The following ZNF718 variants were observed in gnomAD, a reference collection of about 807,000 sequenced individuals.
ZNF718 encodes the protein zinc finger protein 718.
ZNF718 carries 3 observed loss-of-function variants against 2.6 expected under a neutral mutation model. That is an observed-to-expected ratio of 1.16 (90% CI 0.53 to 3.01). ZNF718 has a LOEUF of 3.01. Ranked by LOEUF, ZNF718 falls within the 30% of genes most tolerant of loss-of-function variation. The pLI is 0.03. For synonymous variants in ZNF718, 135 were observed against 77.9 expected (o/e 1.73, Z -3.86); for missense variants, 468 against 230.0 (o/e 2.03, Z -6.69).
intron 3 of ZNF718, among the ~76,000 whole-genome samples, chr4:145,894 T>C (rs1716031187): frequency 1.3e-5 from 2 of 152,156 alleles, no homozygotes; most frequent in South Asian, 4.1e-4. Context: ...AGTTACCTTC[T>C]ATGTATAGAA....
chr4:191,133 CA>C (rs1717685094), intron 3 of ZNF718, among the ~76,000 whole-genome samples: 2 of 150,364 alleles, frequency 1.3e-5, no homozygotes, highest in African/African-American at 4.9e-5. Context: ...AATCAAAAAC[CA>C]GACATAAGTC....
chr4:175,305 A>G (rs979957200), intron 3 of ZNF718, among the ~76,000 whole-genome samples: 7 of 152,314 alleles, frequency 4.6e-5, no homozygotes, highest in East Asian at 3.9e-4. Context: ...CTTTACTGTC[A>G]TACTTTCTAC....
intron 1 of ZNF718, among the ~76,000 whole-genome samples, chr4:127,255 T>A (rs1715262470): frequency 9.5e-6 from 1 of 104,918 alleles, no homozygotes; most frequent in African/African-American, 3.3e-5. Flanking sequence ...CCCACAATTG[T>A]ATGACAAAGT....
At chr4:202,278 T>C (rs1705545370) in exon 5 of ZNF718, 1 of 152,228 alleles carries the variant, frequency 6.6e-6, no homozygotes, top group Non-Finnish European at 1.5e-5. Context: ...GGAATGTGAG[T>C]CCATTAAACA....
chr4:200,133 T>C (rs782519358), intron 3 of ZNF718, among the ~76,000 whole-genome samples: 3 of 152,180 alleles, frequency 2.0e-5, no homozygotes, highest in Non-Finnish European at 4.4e-5. Context: ...GTGTAGAGGA[T>C]TACCAAGATC....
chr4:148,147 A>G (rs1716149939), intron 3 of ZNF718, among the ~76,000 whole-genome samples: 1 of 152,160 alleles, frequency 6.6e-6, no homozygotes, highest in African/African-American at 2.4e-5. Flanking sequence ...CCCAGACTCT[A>G]GCGGACAGGG....
chr4:193,235 C>T (rs566648862), intron 3 of ZNF718, among the ~76,000 whole-genome samples: 1 of 152,192 alleles, frequency 6.6e-6, no homozygotes, highest in South Asian at 2.1e-4. Context: ...TGGCAATTCC[C>T]TTCTATTTCC....
chr4:181,388 T>C (rs1717459481), intron 3 of ZNF718, among the ~76,000 whole-genome samples: 1 of 151,942 alleles, frequency 6.6e-6, no homozygotes, highest in South Asian at 2.1e-4. Context: ...AAATTTACTC[T>C]AATTTTTGTC....
At position 162,262 on chromosome 4, in the gene ZNF718, G is replaced by GT. The variant is rs1466972431; in HGVS notation, c.*141dup. On this transcript the variant is annotated 3_prime_UTR_variant, in exon 4 of 4. Transcript: ENST00000510175. ...ATCTGTTCTAAACATAAGAGAAATG[G>GT]TATTGGTGAGAAGCCATAAAAATAT... 1 of 514,462 alleles carries GT rather than the reference G, an allele frequency of 1.9e-6. No individual in the cohort carries two copies. The highest frequency in any genetic ancestry group is 1.9e-5 in the African/African-American group (1 of 52,416). The allele number at this position is 514,462 out of a possible 1,614,324, so 31.9% of individuals were successfully genotyped here. A position where few individuals can be genotyped will look rare whatever the true frequency, so the allele number is the denominator to read the frequency against.
intron 3 of ZNF718, among the ~76,000 whole-genome samples, chr4:192,144 G>T (rs1339091548): frequency 2.0e-5 from 3 of 152,156 alleles, no homozygotes; most frequent in Admixed American, 2.0e-4. Context: ...GGTCTGCGAT[G>T]GTGGTGATCA....
At chr4:181,593 A>G (rs1461192872) in intron 3 of ZNF718, among the ~76,000 whole-genome samples, 1 of 152,114 alleles carries the variant, frequency 6.6e-6, no homozygotes, top group Non-Finnish European at 1.5e-5. Flanking sequence ...TTTTACCACA[A>G]AGTAATATAT....
At chr4:186,219 T>A (rs1357007895) in intron 3 of ZNF718, among the ~76,000 whole-genome samples, 2 of 152,094 alleles carry the variant, frequency 1.3e-5, no homozygotes, top group Non-Finnish European at 2.9e-5. Flanking sequence ...TCTGAAAAAA[T>A]TTTATTTCTC....
At chr4:150,097 TTAG>T in intron 3 of ZNF718, 1 of 150,192 alleles carries the variant, frequency 6.7e-6, no homozygotes, top group Non-Finnish European at 1.5e-5. Flanking sequence ...TATATTCTTA[TTAG>T]TGTCATTAAT....
At chr4:171,194 C>T (rs559809089) in intron 3 of ZNF718, among the ~76,000 whole-genome samples, 4 of 152,144 alleles carry the variant, frequency 2.6e-5, no homozygotes, top group Admixed American at 2.0e-4. Context: ...GCTGCCTGAT[C>T]GTTCCTCTGG....
intron 3 of ZNF718, among the ~76,000 whole-genome samples, chr4:196,431 T>C (rs1553822035): frequency 6.6e-6 from 1 of 151,820 alleles, no homozygotes; most frequent in Non-Finnish European, 1.5e-5. Context: ...CCTTTGGAGA[T>C]ACAACTTGCT....
chr4:179,792 G>A, intron 3 of ZNF718, among the ~76,000 whole-genome samples: 1 of 152,156 alleles, frequency 6.6e-6, no homozygotes, highest in Non-Finnish European at 1.5e-5. Context: ...CAGAAAGTTG[G>A]AAGTTAAGGA....
Position 163,188 on chromosome 4 carries a change from CT to C in ZNF718, c.*1081del, listed in dbSNP as rs781913646. On this transcript the variant is annotated 3_prime_UTR_variant, in exon 4 of 4. Coordinates refer to ENST00000510175, the MANE Select transcript of ZNF718 (RefSeq NM_001039127.6). ...TTTTTAGGTGGGCATCATTCATGAA[CT>C]TTTTTTTTTTTTTTGAGACGGAGTC... 0.015 allele frequency: 2,118 copies of C among 144,034 alleles called. 44 individuals carry two copies. The highest frequency in any genetic ancestry group is 0.046 in the African/African-American group (1,827 of 39,668). 8.9% of individuals were successfully genotyped at this position (144,034 alleles called of 1,614,324 possible). A position where few individuals can be genotyped will look rare whatever the true frequency, so the allele number is the denominator to read the frequency against.
At chr4:168,913 C>T (rs1275014198), downstream of ZNF718, among the ~76,000 whole-genome samples, 1 of 152,070 alleles carries the variant, frequency 6.6e-6, no homozygotes, top group African/African-American at 2.4e-5. Flanking sequence ...TGTGTTTGCT[C>T]TTGGTTCTCT....
At chr4:192,907 G>T (rs1323226932) in intron 3 of ZNF718, among the ~76,000 whole-genome samples, 8 of 152,128 alleles carry the variant, frequency 5.3e-5, no homozygotes, top group Admixed American at 5.2e-4. Context: ...CTATCTGCTT[G>T]ATAGCTTTTA....
Sources: gnomAD v4.1 joint callset for allele counts (sites outside exome capture counted in the v4.1 genomes callset) on GRCh38, gnomAD v4.1.1 for gene constraint, MANE v1.5 for transcripts, NCBI Gene and HGNC (gene_info 2026-07-23, HGNC 2026-07-21) for gene names.